CNTNAP2: variants seen among roughly 807,000 people sequenced by gnomAD.
CNTNAP2 encodes the protein contactin-associated protein-like 2.
A neutral mutation model predicts 155.2 loss-of-function variants in CNTNAP2; 98 were observed. The ratio of observed to expected loss-of-function variants is 0.63; its 90% CI spans 0.54 to 0.75. CNTNAP2 has a LOEUF of 0.75. CNTNAP2 is among the 30% of genes least tolerant of loss of function. The pLI is 0.00. For synonymous variants in CNTNAP2, 651 were observed against 631.2 expected, an observed-to-expected ratio of 1.03 and a Z score of -0.47; for missense variants, 1,727 against 1,688.1, an observed-to-expected ratio of 1.02 and a Z score of -0.40.
At chr7:147,864,997 C>T (rs1162289338) in intron 13 of CNTNAP2, among the ~76,000 whole-genome samples, 1 of 152,148 alleles carries the variant, frequency 6.6e-6, no homozygotes, top group African/African-American at 2.4e-5. Flanking sequence ...ACATCCTTGT[C>T]TTGTGCCAGT....
intron 18 of CNTNAP2, among the ~76,000 whole-genome samples, chr7:148,181,199 A>C (rs1388798425): frequency 6.6e-6 from 1 of 152,182 alleles, no homozygotes; most frequent in Non-Finnish European, 1.5e-5. Context: ...AGGACGTATC[A>C]TGGGACTTCT....
Position 146,464,187 on chromosome 7 carries a change from G to GTTTTTT in CNTNAP2, c.98-310070_98-310065dup, listed in dbSNP as rs369508603. On this transcript the variant is annotated intron_variant, in intron 1 of 23. Coordinates refer to ENST00000361727, the MANE Select transcript of CNTNAP2 (RefSeq NM_014141.6). Reference sequence around the variant, plus strand: ...TGCTCAATGTCTTTCCTTTGAAACTGTTTTTTTTTTTTTTTTTTTGGCTCT... The same window carrying GTTTTTT: ...TGCTCAATGTCTTTCCTTTGAAACTGTTTTTTTTTTTTTTTTTTTTTTTTTGGCTCT... Among the ~76,000 whole-genome samples, 24 of 91,538 alleles carry GTTTTTT rather than the reference G, an allele frequency of 2.6e-4. 2 individuals are homozygous for GTTTTTT. Among genetic ancestry groups the GTTTTTT allele is most frequent in the South Asian group, 8.7e-4 (2 of 2,298 alleles). The allele number at this position is 91,538 out of a possible 152,430, so 60.1% of individuals were successfully genotyped here.
At chr7:148,346,591 G>A (rs1798329707) in intron 21 of CNTNAP2, among the ~76,000 whole-genome samples, 1 of 151,908 alleles carries the variant, frequency 6.6e-6, no homozygotes, top group Non-Finnish European at 1.5e-5. Context: ...GGCCAACATG[G>A]TGAAACCCCA....
In CNTNAP2 at chr7:146,736,374, A is replaced by T. The variant is rs550320015; in HGVS notation, c.98-37897A>T. On this transcript the variant is annotated intron_variant, in intron 1 of 23. Transcript: ENST00000361727. Reference sequence around the variant, plus strand: ...AAAAAAGACTCAGTCAGGTGTCCTTATTCTCTGCTTTTGATGGGGCACTGA... The same window carrying T: ...AAAAAAGACTCAGTCAGGTGTCCTTTTTCTCTGCTTTTGATGGGGCACTGA... Among the ~76,000 whole-genome samples, 30 of 152,262 alleles carry T rather than the reference A, an allele frequency of 2.0e-4. No homozygotes were observed. The South Asian group carries it at 5.8e-3, about 29-fold the overall frequency.
At chr7:148,151,596 G>A (rs1438330692) in intron 17 of CNTNAP2, among the ~76,000 whole-genome samples, 1 of 152,150 alleles carries the variant, frequency 6.6e-6, no homozygotes, top group Non-Finnish European at 1.5e-5. Flanking sequence ...ATGCCCAGCA[G>A]GTCCATTCTC....
In CNTNAP2 at chr7:147,209,069, G is replaced by A. The variant is rs542186256; in HGVS notation, c.1348+76560G>A. Among the ~76,000 whole-genome samples, 17 of 151,970 alleles carry A rather than the reference G, an allele frequency of 1.1e-4. No individual in the cohort carries two copies. The South Asian group carries it at 1.9e-3, about 17-fold the overall frequency. ...TTGCTCAGGATTACCTTGGTTATCC[G>A]GGGTCCTTTATGGTTCCCTATTAAT... is the stretch of plus-strand genomic sequence containing the variant. On this transcript the variant is annotated intron_variant, in intron 8 of 23. Coordinates refer to ENST00000361727, the MANE Select transcript of CNTNAP2 (RefSeq NM_014141.6).
chr7:147,557,427 T>C (rs1799972973), intron 11 of CNTNAP2, among the ~76,000 whole-genome samples: 1 of 152,142 alleles, frequency 6.6e-6, no homozygotes, highest in Non-Finnish European at 1.5e-5. Context: ...AGAGAAAAAT[T>C]ACTTTACAAA....
chr7:148,239,950 A>G (rs1196771021), intron 20 of CNTNAP2, among the ~76,000 whole-genome samples: 1 of 152,214 alleles, frequency 6.6e-6, no homozygotes, highest in African/African-American at 2.4e-5. Flanking sequence ...AGAATTTAAC[A>G]TGATGATATC....
At chr7:146,552,482 A>G (rs1394235879) in intron 1 of CNTNAP2, among the ~76,000 whole-genome samples, 2 of 152,018 alleles carry the variant, frequency 1.3e-5, no homozygotes, top group Non-Finnish European at 2.9e-5. Flanking sequence ...CTACCATTGG[A>G]TTTTTCTCAC....
chr7:148,413,101 G>T (rs1258282760), intron 23 of CNTNAP2, among the ~76,000 whole-genome samples: 1 of 151,822 alleles, frequency 6.6e-6, no homozygotes, highest in Non-Finnish European at 1.5e-5. Context: ...CTATTTAAAA[G>T]AATATTGTGG....
intron 3 of CNTNAP2, among the ~76,000 whole-genome samples, chr7:147,021,184 C>A (rs886161934): frequency 6.6e-6 from 1 of 152,010 alleles, no homozygotes; most frequent in South Asian, 2.1e-4. Flanking sequence ...TTATTAAAAC[C>A]TTATGATTTT....
chr7:148,255,497 G>A (rs1390021354), intron 20 of CNTNAP2, among the ~76,000 whole-genome samples: 3 of 152,168 alleles, frequency 2.0e-5, no homozygotes, highest in Non-Finnish European at 4.4e-5. Flanking sequence ...AGTAGGTGGA[G>A]TATTAGTCTA....
intron 21 of CNTNAP2, among the ~76,000 whole-genome samples, chr7:148,301,911 A>C (rs1380467249): frequency 6.6e-6 from 1 of 152,244 alleles, no homozygotes; most frequent in Non-Finnish European, 1.5e-5. Context: ...TGGCCTATCC[A>C]CAAACTGGCC....
chr7:146,375,206 C>A (rs1470082530), intron 1 of CNTNAP2, among the ~76,000 whole-genome samples: 2 of 152,220 alleles, frequency 1.3e-5, no homozygotes, highest in African/African-American at 4.8e-5. Flanking sequence ...TATCTCTCAA[C>A]AATTATTTCA....
chr7:147,857,251 T>C (rs1477123725), intron 13 of CNTNAP2, among the ~76,000 whole-genome samples: 2 of 152,246 alleles, frequency 1.3e-5, no homozygotes, highest in Non-Finnish European at 2.9e-5. Flanking sequence ...GTTATTTTTC[T>C]AACACATGGA....
intron 10 of CNTNAP2, among the ~76,000 whole-genome samples, chr7:147,449,391 T>A (rs1469611994): frequency 6.6e-6 from 1 of 152,112 alleles, no homozygotes; most frequent in Admixed American, 6.5e-5. Flanking sequence ...CTGCCAAGGT[T>A]ATCCCCGTGG....
At chr7:147,518,097 G>C (rs866832110) in intron 11 of CNTNAP2, among the ~76,000 whole-genome samples, 2 of 152,078 alleles carry the variant, frequency 1.3e-5, no homozygotes, top group Non-Finnish European at 2.9e-5. Context: ...CCTTAAAGCC[G>C]AATTTCATTC....
intron 22 of CNTNAP2, among the ~76,000 whole-genome samples, chr7:148,391,117 T>C (rs1799337283): frequency 1.3e-5 from 2 of 152,244 alleles, no homozygotes; most frequent in African/African-American, 4.8e-5. Context: ...ATGATTGTAT[T>C]TTACCTTATA....
chr7:146,369,870 C>T (rs1396953702), intron 1 of CNTNAP2, among the ~76,000 whole-genome samples: 2 of 152,030 alleles, frequency 1.3e-5, no homozygotes, highest in Non-Finnish European at 2.9e-5. Context: ...ACACAAATGG[C>T]TCATATTTAC....
Sources: gnomAD v4.1 joint callset for allele counts (sites outside exome capture counted in the v4.1 genomes callset) on GRCh38, gnomAD v4.1.1 for gene constraint, MANE v1.5 for transcripts, NCBI Gene and HGNC (gene_info 2026-07-23, HGNC 2026-07-21) for gene names.